The following IFNA8 variants were observed in gnomAD, a reference collection of about 807,000 sequenced individuals.
The protein encoded by IFNA8 is interferon alpha 8, also known as interferon alpha-8.
For missense variants in IFNA8, 246 were observed against 212.3 expected (o/e 1.16, Z -0.99); for synonymous variants, 91 against 84.4 (o/e 1.08, Z -0.43).
rs898994125 is a variant in IFNA8 at position 21,410,069 on chromosome 9, CTTTATA to C, written c.*329_*334del. On this transcript the variant is annotated 3_prime_UTR_variant, in exon 1 of 1. Transcript: ENST00000380205. Reference sequence around the variant, plus strand: ...GTGAATTGTGTAACAAAAACATGTTCTTTATATTTATTATTTTGCCTTGTTTATTAA... The same window carrying C: ...GTGAATTGTGTAACAAAAACATGTTCTTTATTATTTTGCCTTGTTTATTAA... 27 of 189,406 alleles carry C rather than the reference CTTTATA, an allele frequency of 1.4e-4. No homozygotes were observed. Among genetic ancestry groups the C allele is most frequent in the South Asian group, 2.9e-4 (2 of 6,970 alleles). 11.7% of individuals were successfully genotyped at this position (189,406 alleles called of 1,614,324 possible). A position where few individuals can be genotyped will look rare whatever the true frequency, so the allele number is the denominator to read the frequency against.
rs1482386091 is a variant in IFNA8, at chr9:21,409,435, A to T, written c.259A>T (p.Thr87Ser). The T allele has an allele frequency of 6.2e-7, 1 of 1,614,110 alleles. No homozygotes were observed. The highest frequency in any genetic ancestry group is 8.5e-7 in the Non-Finnish European group (1 of 1,179,966). Residue 87 changes from threonine (T) to serine (S), a missense_variant, in exon 1 of 1, where the codon ACC becomes TCC. Transcript: ENST00000380205. Reference sequence around the variant, plus strand: ...TGTCCTCCATGAGATGATCCAGCAGACCTTCAACCTCTTCAGCACAAAGGA... The same window carrying T: ...TGTCCTCCATGAGATGATCCAGCAGTCCTTCAACCTCTTCAGCACAAAGGA... ...ISVLHEMIQQ[T>S]FNLFSTKDSS...
rs10964982 is a variant in IFNA8, at chr9:21,409,902, G to C, written c.*156G>C. The stretch of plus-strand genomic sequence containing the variant: ...TTTCAGGAGTGTTAAGCAACATCCT[G>C]TTCAGCTGTATGGGCACTAGTCCCT... On this transcript the variant is annotated 3_prime_UTR_variant, in exon 1 of 1. Coordinates refer to ENST00000380205, the MANE Select transcript of IFNA8 (RefSeq NM_002170.4). 3.2e-5 allele frequency: 21 copies of C among 646,648 alleles called. No homozygotes were observed. The highest frequency in any genetic ancestry group is 4.6e-5 in the Non-Finnish European group (17 of 373,242). The allele number at this position is 646,648 out of a possible 1,614,324, so 40.1% of individuals were successfully genotyped here.
rs1324353955 is a variant in IFNA8, at chr9:21,409,213, G to T, written c.37G>T (p.Val13Leu). Reference protein sequence around the residue: ...LTFYLLVALVVLSYKSFSSLG... With the variant: ...LTFYLLVALVLLSYKSFSSLG... ...TTTTTATTTACTGGTGGCCCTAGTGGTGCTCAGCTACAAGTCATTCAGCTC... is the reference window on the plus strand; with the variant it reads ...TTTTTATTTACTGGTGGCCCTAGTGTTGCTCAGCTACAAGTCATTCAGCTC... The change falls in exon 1 of 1, where the codon GTG (valine) becomes TTG (leucine). Residue 13 changes from valine (V) to leucine (L), a missense_variant. Transcript: ENST00000380205. The T allele has an allele frequency of 4.3e-6, 7 of 1,613,970 alleles. No individual in the cohort carries two copies. Among genetic ancestry groups the T allele is most frequent in the Non-Finnish European group, 5.9e-6 (7 of 1,179,910 alleles).
rs1466246427 is a variant in IFNA8, at chr9:21,409,590, C to G, written c.414C>G (p.Asp138Glu). 6.2e-7 allele frequency: 1 copy of G among 1,613,982 alleles called. No homozygotes were observed. The highest frequency in any genetic ancestry group is 1.1e-5 in the South Asian group (1 of 91,078). Residue 138 changes from aspartate (D) to glutamate (E), a missense_variant, in exon 1 of 1, where the codon GAC becomes GAG. By Grantham distance (45) the Asp-to-Glu change is conservative (BLOSUM62 2). Coordinates refer to ENST00000380205, the MANE Select transcript of IFNA8 (RefSeq NM_002170.4). ...TAGAGTCTCCCCTGATGTACGAGGA[C>G]TCCATCCTGGCTGTGAGGAAATACT... The part of the protein sequence containing the change: ...GVIESPLMYE[D>E]SILAVRKYFQ...
Position 21,409,602 on chromosome 9 carries a change from T to C in IFNA8, c.426T>C (p.Ala142=). The change falls in exon 1 of 1, where the codon GCT becomes GCC. Residue 142 remains alanine (A), a synonymous_variant. Transcript: ENST00000380205. The part of the protein sequence containing the change: ...SPLMYEDSIL[A]VRKYFQRITL... ...TGATGTACGAGGACTCCATCCTGGC[T>C]GTGAGGAAATACTTCCAAAGAATCA... 2 of 1,613,970 alleles carry C rather than the reference T, an allele frequency of 1.2e-6. No individual in the cohort carries two copies. Among genetic ancestry groups the C allele is most frequent in the Non-Finnish European group, 1.7e-6 (2 of 1,179,900 alleles).
At position 21,409,151 on chromosome 9, in the gene IFNA8, G is replaced by C. The variant is rs1818009164; in HGVS notation, c.-26G>C. On this transcript the variant is annotated 5_prime_UTR_variant, in exon 1 of 1. Coordinates refer to ENST00000380205, the MANE Select transcript of IFNA8 (RefSeq NM_002170.4). ...GGTTAAGGGTCATCCATCTGAACCA[G>C]CTCAGCAGCATCCACAACATCTACA... is the stretch of plus-strand genomic sequence containing the variant. 1 of 1,604,844 alleles carries C rather than the reference G, an allele frequency of 6.2e-7. No homozygotes were observed. The highest frequency in any genetic ancestry group is 8.5e-7 in the Non-Finnish European group (1 of 1,172,166).
rs752644411 is a variant in IFNA8, at chr9:21,409,391, A to G, written c.215A>G (p.Gln72Arg). 1.2e-6 allele frequency: 2 copies of G among 1,614,124 alleles called. No homozygotes were observed. The highest frequency in any genetic ancestry group is 3.3e-4 in the Middle Eastern group (2 of 6,062). Residue 72 changes from glutamine (Q) to arginine (R), a missense_variant, in exon 1 of 1, where the codon CAG becomes CGG. By Grantham distance (43) the Gln-to-Arg change is conservative. Coordinates refer to ENST00000380205, the MANE Select transcript of IFNA8 (RefSeq NM_002170.4). ...GAGGAGTTTGATGATAAACAGTTCC[A>G]GAAGGCTCAAGCCATCTCTGTCCTC... ...PQEEFDDKQFQKAQAISVLHE... is the reference protein window; with the variant it reads ...PQEEFDDKQFRKAQAISVLHE...
chr9:21,409,627 A>T lies in IFNA8; in HGVS notation c.451A>T (p.Thr151Ser). The change falls in exon 1 of 1, where the codon ACT becomes TCT. Residue 151 changes from threonine (T) to serine (S), a missense_variant. Physicochemically the swap from Thr to Ser is moderately conservative, Grantham distance 58 (BLOSUM62 1). Coordinates refer to ENST00000380205, the MANE Select transcript of IFNA8 (RefSeq NM_002170.4). ...LAVRKYFQRI[T>S]LYLTEKKYSS... ...TGTGAGGAAATACTTCCAAAGAATC[A>T]CTCTATATCTGACAGAGAAGAAATA... 1 of 1,613,790 alleles carries T rather than the reference A, an allele frequency of 6.2e-7. No homozygotes were observed. Among genetic ancestry groups the T allele is most frequent in the Non-Finnish European group, 8.5e-7 (1 of 1,179,824 alleles).
the IFNA8 span, chr9:21,409,561 G>GTGAT: frequency 6.2e-6 from 10 of 1,613,906 alleles, no homozygotes; most frequent in African/African-American, 1.2e-4. Flanking sequence ...GGAAGTGGGG[G>GTGAT]TGATAGAGTC....
rs771462983 is a variant in IFNA8, at chr9:21,409,162, T to A, written c.-15T>A. The A allele has an allele frequency of 1.2e-6, 2 of 1,612,088 alleles. No homozygotes were observed. The highest frequency in any genetic ancestry group is 1.1e-5 in the South Asian group (1 of 91,002). ...ATCCATCTGAACCAGCTCAGCAGCA[T>A]CCACAACATCTACAATGGCCTTGAC... On this transcript the variant is annotated 5_prime_UTR_variant, in exon 1 of 1. Coordinates refer to ENST00000380205, the MANE Select transcript of IFNA8 (RefSeq NM_002170.4).
Position 21,409,207 on chromosome 9 carries a change from C to T in IFNA8, c.31C>T (p.Leu11=). 1 of 1,613,950 alleles carries T rather than the reference C, an allele frequency of 6.2e-7. No homozygotes were observed. Among genetic ancestry groups the T allele is most frequent in the Non-Finnish European group, 8.5e-7 (1 of 1,179,894 alleles). MALTFYLLVA[L]VVLSYKSFSS... ...CTTGACTTTTTATTTACTGGTGGCC[C>T]TAGTGGTGCTCAGCTACAAGTCATT... Residue 11 remains leucine, a synonymous_variant, in exon 1 of 1, where the codon CTA becomes TTA. Transcript: ENST00000380205.
At position 21,409,347 on chromosome 9, in the gene IFNA8, T is replaced by C. The variant is rs1171291807; in HGVS notation, c.171T>C (p.His57=). ...ISPFSCLKDR[H]DFEFPQEEFD... ...CTTTCTCCTGCCTGAAGGACAGACA[T>C]GACTTTGAATTCCCCCAGGAGGAGT... is the stretch of plus-strand genomic sequence containing the variant. The change falls in exon 1 of 1, where the codon CAT becomes CAC. Residue 57 remains histidine (H), a synonymous_variant. Coordinates refer to ENST00000380205, the MANE Select transcript of IFNA8 (RefSeq NM_002170.4). The C allele has an allele frequency of 6.2e-7, 1 of 1,613,952 alleles. No individual in the cohort carries two copies. Among genetic ancestry groups the C allele is most frequent in the African/African-American group, 1.3e-5 (1 of 74,896 alleles).
At chr9:21,409,222 T>TA in the IFNA8 span, 32 of 1,614,048 alleles carry the variant, frequency 2.0e-5, no homozygotes, top group South Asian at 3.1e-4. Flanking sequence ...GGTGCTCAGC[T>TA]ACAAGTCATT....
Position 21,409,190 on chromosome 9 carries a change from T to C in IFNA8, c.14T>C (p.Phe5Ser). 1 of 1,613,924 alleles carries C rather than the reference T, an allele frequency of 6.2e-7. No individual in the cohort carries two copies. The highest frequency in any genetic ancestry group is 8.5e-7 in the Non-Finnish European group (1 of 1,179,858). Residue 5 changes from phenylalanine to serine, a missense_variant, in exon 1 of 1, where the codon TTT becomes TCT. Coordinates refer to ENST00000380205, the MANE Select transcript of IFNA8 (RefSeq NM_002170.4). MALTFYLLVALVVLS... is the reference protein window; with the variant it reads MALTSYLLVALVVLS... ...ACAACATCTACAATGGCCTTGACTT[T>C]TTATTTACTGGTGGCCCTAGTGGTG...
In IFNA8 at chr9:21,409,403, C is replaced by G. The variant is rs1352731587; in HGVS notation, c.227C>G (p.Ala76Gly). 1 of 1,613,960 alleles carries G rather than the reference C, an allele frequency of 6.2e-7. No individual in the cohort carries two copies. The highest frequency in any genetic ancestry group is 1.3e-5 in the African/African-American group (1 of 74,896). ...FDDKQFQKAQ[A>G]ISVLHEMIQQ... ...GATAAACAGTTCCAGAAGGCTCAAG[C>G]CATCTCTGTCCTCCATGAGATGATC... Residue 76 changes from alanine (A) to glycine (G), a missense_variant, in exon 1 of 1, where the codon GCC becomes GGC. Physicochemically the swap from Ala to Gly is moderately conservative, Grantham distance 60. Coordinates refer to ENST00000380205, the MANE Select transcript of IFNA8 (RefSeq NM_002170.4).
In IFNA8 at chr9:21,409,323, T is replaced by C; in HGVS notation, c.147T>C (p.Pro49=). ...ILLAQMRRIS[P]FSCLKDRHDF... is the part of the protein sequence containing the mutation. Reference sequence around the variant, plus strand: ...TGGCACAAATGCGAAGAATCTCTCCTTTCTCCTGCCTGAAGGACAGACATG... The same window carrying C: ...TGGCACAAATGCGAAGAATCTCTCCCTTCTCCTGCCTGAAGGACAGACATG... Residue 49 remains proline (P), a synonymous_variant, in exon 1 of 1, where the codon CCT becomes CCC. Transcript: ENST00000380205. 1 of 1,614,072 alleles carries C rather than the reference T, an allele frequency of 6.2e-7. No homozygotes were observed. Among genetic ancestry groups the C allele is most frequent in the Non-Finnish European group, 8.5e-7 (1 of 1,179,964 alleles).
rs1818022947 is a variant in IFNA8, at chr9:21,409,923, T to C, written c.*177T>C. ...TCCTGTTCAGCTGTATGGGCACTAGTCCCTTACAGATGACCATGCTGATGG... is the reference window on the plus strand; with the variant it reads ...TCCTGTTCAGCTGTATGGGCACTAGCCCCTTACAGATGACCATGCTGATGG... On this transcript the variant is annotated 3_prime_UTR_variant, in exon 1 of 1. Coordinates refer to ENST00000380205, the MANE Select transcript of IFNA8 (RefSeq NM_002170.4). 7 of 561,782 alleles carry C rather than the reference T, an allele frequency of 1.2e-5. No individual in the cohort carries two copies. The highest frequency in any genetic ancestry group is 8.4e-5 in the South Asian group (4 of 47,778). The allele number at this position is 561,782 out of a possible 1,614,324, so 34.8% of individuals were successfully genotyped here. A position where few individuals can be genotyped will look rare whatever the true frequency, so the allele number is the denominator to read the frequency against.
rs1483058835 is a variant in IFNA8 at position 21,409,780 on chromosome 9, C to G, written c.*34C>G. ...ACAACACGGAAATGATTCTTATAGA[C>G]TAATACAGCAGCTCACACTTCGACA... On this transcript the variant is annotated 3_prime_UTR_variant, in exon 1 of 1. Coordinates refer to ENST00000380205, the MANE Select transcript of IFNA8 (RefSeq NM_002170.4). The G allele has an allele frequency of 1.9e-6, 3 of 1,566,364 alleles. No homozygotes were observed. Among genetic ancestry groups the G allele is most frequent in the Admixed American group, 1.7e-5 (1 of 58,382 alleles).
In IFNA8 at chr9:21,409,510, C is replaced by T; in HGVS notation, c.334C>T (p.Leu112Phe). ...CCTTCTAGATGAATTCTACATCGAA[C>T]TTGACCAGCAGCTGAATGACCTGGA... ...ETLLDEFYIELDQQLNDLESC... is the reference protein window; with the variant it reads ...ETLLDEFYIEFDQQLNDLESC... Residue 112 changes from leucine (L) to phenylalanine (F), a missense_variant, in exon 1 of 1, where the codon CTT (leucine) becomes TTT (phenylalanine). By Grantham distance (22) the Leu-to-Phe change is conservative. Transcript: ENST00000380205. The T allele has an allele frequency of 6.2e-7, 1 of 1,614,074 alleles. No homozygotes were observed. The highest frequency in any genetic ancestry group is 8.5e-7 in the Non-Finnish European group (1 of 1,179,964).
Sources: allele counts gnomAD v4.1 joint callset, GRCh38; gene constraint gnomAD v4.1.1; transcripts MANE v1.5; gene names NCBI Gene and HGNC (gene_info 2026-07-23, HGNC 2026-07-21).